NFATC2: variants seen among roughly 807,000 people sequenced by gnomAD.
NFATC2 encodes nuclear factor of activated T-cells, cytoplasmic 2.
In NFATC2, 22 loss-of-function variants were observed where a neutral mutation model predicts 87.3. The observed-to-expected ratio is 0.25, with a 90% CI of 0.18 to 0.36. The LOEUF is 0.36. Among genes scored for constraint, NFATC2 ranks in the 10% least tolerant of loss-of-function variants. The probability of loss-of-function intolerance (pLI) is 1.00; values close to 1 mark genes in which losing one functional copy is unlikely to be tolerated. For synonymous variants in NFATC2, 565 were observed against 542.2 expected (o/e 1.04, Z -0.58); for missense variants, 1,149 against 1,259.1 (o/e 0.91, Z 1.32).
At chr20:51,441,381 G>A (rs937428752) in intron 6 of NFATC2, among the ~76,000 whole-genome samples, 2 of 152,030 alleles carry the variant, frequency 1.3e-5, no homozygotes, top group South Asian at 4.2e-4. Flanking sequence ...TGTGGCCTTC[G>A]AGTGGCAGCT....
upstream of NFATC2, among the ~76,000 whole-genome samples, chr20:51,544,246 C>T (rs1231293078): frequency 6.6e-6 from 1 of 152,022 alleles, no homozygotes; most frequent in Non-Finnish European, 1.5e-5. Context: ...CTCGGCCTCC[C>T]CAAGTGCTGG....
At chr20:51,457,899 T>C (rs1484533997) in intron 5 of NFATC2, among the ~76,000 whole-genome samples, 1 of 151,740 alleles carries the variant, frequency 6.6e-6, no homozygotes, top group Non-Finnish European at 1.5e-5. Context: ...TTTTTTTTTT[T>C]TTTTGAGACA....
intron 5 of NFATC2, among the ~76,000 whole-genome samples, chr20:51,472,035 C>T (rs149996324): frequency 6.6e-6 from 1 of 152,084 alleles, no homozygotes; most frequent in Non-Finnish European, 1.5e-5. Context: ...GGTGGATCAT[C>T]TGAGGTCAGG....
chr20:51,544,374 G>T (rs540350557), upstream of NFATC2, among the ~76,000 whole-genome samples: 4 of 152,238 alleles, frequency 2.6e-5, no homozygotes, highest in South Asian at 2.1e-4. Context: ...TAAGATCCTC[G>T]TGAGAACCAC....
At chr20:51,555,806 G>A (rs527312285) in intron 1 of NFATC2, among the ~76,000 whole-genome samples, 10 of 152,082 alleles carry the variant, frequency 6.6e-5, no homozygotes, top group African/African-American at 2.4e-4. Flanking sequence ...ACCATTCAGG[G>A]GTCAACCAAA....
intron 4 of NFATC2, 46 bp from the exon 5 acceptor site, chr20:51,474,198 G>C: frequency 1.3e-6 from 2 of 1,599,418 alleles, no homozygotes; most frequent in Non-Finnish European, 1.7e-6. Flanking sequence ...ACCTTCAGGA[G>C]CAGGAAAGAT....
intron 1 of NFATC2, among the ~76,000 whole-genome samples, chr20:51,554,563 C>T (rs1382754735): frequency 6.6e-6 from 1 of 152,208 alleles, no homozygotes; most frequent in Non-Finnish European, 1.5e-5. Context: ...CAGGAACTGA[C>T]CCCTTTGTCT....
chr20:51,495,198 C>G (rs547793204), intron 3 of NFATC2, among the ~76,000 whole-genome samples: 113 of 152,332 alleles, frequency 7.4e-4, no homozygotes, highest in African/African-American at 1.2e-3. Flanking sequence ...AATTCTCCCC[C>G]CTCAGCCTCT....
rs934499504 is a variant in NFATC2, at chr20:51,389,025, G to A, written c.*2471C>T. 2.0e-5 allele frequency: 3 copies of A among 152,150 alleles called. No individual in the cohort carries two copies. The highest frequency in any genetic ancestry group is 6.6e-5 in the Admixed American group (1 of 15,264). 9.4% of individuals were successfully genotyped at this position (152,150 alleles called of 1,614,324 possible). A position where few individuals can be genotyped will look rare whatever the true frequency, so the allele number is the denominator to read the frequency against. The stretch of plus-strand genomic sequence containing the variant: ...GTTCCTAATACACTTTCTCTTGCCT[G>A]TTTATGTCTCAAATCTAATGCTTTT... On this transcript the variant is annotated 3_prime_UTR_variant, in exon 11 of 11. Coordinates refer to ENST00000371564, the MANE Select transcript of NFATC2 (RefSeq NM_012340.5).
intron 9 of NFATC2, among the ~76,000 whole-genome samples, chr20:51,426,894 C>T (rs372937301): frequency 1.3e-3 from 202 of 152,154 alleles, no homozygotes; most frequent in African/African-American, 4.5e-3. Context: ...TGAATGTGCA[C>T]ATAATTAAGC....
intron 10 of NFATC2, among the ~76,000 whole-genome samples, chr20:51,397,469 C>T (rs1431679242): frequency 6.6e-6 from 1 of 152,232 alleles, no homozygotes; most frequent in Non-Finnish European, 1.5e-5. Flanking sequence ...GCCTGAGCCG[C>T]TGGCTTGCCA....
chr20:51,459,016 C>T (rs1311118352), intron 5 of NFATC2, among the ~76,000 whole-genome samples: 1 of 152,136 alleles, frequency 6.6e-6, no homozygotes, highest in Non-Finnish European at 1.5e-5. Context: ...AGTCACTTCA[C>T]CTAAGTCACA....
At chr20:51,511,552 G>A (rs867405056) in intron 3 of NFATC2, among the ~76,000 whole-genome samples, 7 of 152,190 alleles carry the variant, frequency 4.6e-5, no homozygotes, top group South Asian at 2.1e-4. Flanking sequence ...AAGAGAACTT[G>A]CAATCTTCCC....
rs757938080 is a variant in NFATC2 at position 51,480,123 on chromosome 20, G to T, written c.1333-4463C>A. 1.3e-5 allele frequency among the ~76,000 whole-genome samples: 2 copies of T among 151,800 alleles called. No homozygotes were observed. The highest frequency in any genetic ancestry group is 1.3e-4 in the Admixed American group (2 of 15,234). On this transcript the variant is annotated intron_variant, in intron 3 of 10. Transcript: ENST00000371564. This position sits in a 1 kb window ranked among gnomAD's most constrained non-coding sequence, Gnocchi z 4.2. ...GGCAACATGGTGAAACCCCGTCTCTGTGAAAAATACAAAAATTAGCCAGGT... is the reference window on the plus strand; with the variant it reads ...GGCAACATGGTGAAACCCCGTCTCTTTGAAAAATACAAAAATTAGCCAGGT...
At chr20:51,473,494 C>T (rs1988427629) in intron 5 of NFATC2, among the ~76,000 whole-genome samples, 1 of 152,204 alleles carries the variant, frequency 6.6e-6, no homozygotes, top group South Asian at 2.1e-4. Flanking sequence ...ACACTGACAC[C>T]AGCTAGCTCC....
At chr20:51,461,302 G>C (rs940804436) in intron 5 of NFATC2, among the ~76,000 whole-genome samples, 3 of 152,126 alleles carry the variant, frequency 2.0e-5, no homozygotes, top group African/African-American at 7.2e-5. Flanking sequence ...TCATTTCTGA[G>C]ACTGCAGACA....
chr20:51,510,375 C>A (rs866087881), intron 3 of NFATC2, among the ~76,000 whole-genome samples: 24 of 152,198 alleles, frequency 1.6e-4, no homozygotes, highest in African/African-American at 5.8e-4. Context: ...TAAAGCCCAA[C>A]CTTGCAAAAC....
Position 51,523,511 on chromosome 20 carries a change from G to A in NFATC2, c.730C>T (p.Arg244Cys), listed in dbSNP as rs1037062260. 41 of 1,613,076 alleles carry A rather than the reference G, an allele frequency of 2.5e-5. No homozygotes were observed. The East Asian group carries it at 6.9e-4, about 27-fold the overall frequency. Reference sequence around the variant, plus strand: ...CGCTTGGCACCAGGCGATGAGGAGCGGGAGGCCGGACGGGGCACGGGCGAG... The same window carrying A: ...CGCTTGGCACCAGGCGATGAGGAGCAGGAGGCCGGACGGGGCACGGGCGAG... Reference protein sequence around the residue: ...RHSPVPRPASRSSSPGAKRRH... With the variant: ...RHSPVPRPASCSSSPGAKRRH... Residue 244 changes from arginine to cysteine, a missense_variant, in exon 2 of 11, where the codon CGC (arginine) becomes TGC (cysteine). Coordinates refer to ENST00000371564, the MANE Select transcript of NFATC2 (RefSeq NM_012340.5). The surrounding 1 kb of genome is among the most constrained non-coding windows in gnomAD (Gnocchi z 6.9).
At chr20:51,548,081 C>T (rs557503225) in intron 1 of NFATC2, among the ~76,000 whole-genome samples, 4 of 152,154 alleles carry the variant, frequency 2.6e-5, no homozygotes, top group Non-Finnish European at 5.9e-5. Context: ...ACGTAAGCTA[C>T]GTCCCACCTG....
Sources: gnomAD v4.1 joint callset for allele counts (sites outside exome capture counted in the v4.1 genomes callset) on GRCh38, gnomAD v4.1.1 for gene constraint, Gnocchi (gnomAD v3.1) non-coding constraint, MANE v1.5 for transcripts, NCBI Gene and HGNC (gene_info 2026-07-23, HGNC 2026-07-21) for gene names.